GCN1: variants seen among roughly 807,000 people sequenced by gnomAD.
GCN1 encodes stalled ribosome sensor GCN1.
GCN1 carries 90 observed loss-of-function variants against 288.4 expected under a neutral mutation model. The ratio of observed to expected loss-of-function variants is 0.31; its 90% CI spans 0.26 to 0.37. GCN1 has a LOEUF of 0.37. Among genes scored for constraint, GCN1 ranks in the 10% least tolerant of loss-of-function variants. The pLI is 1.00. For synonymous variants in GCN1, 1,386 were observed against 1,420.2 expected (o/e 0.98, Z 0.54); for missense variants, 2,586 against 3,419.9 (o/e 0.76, Z 6.08).
intron 53 of GCN1, 133 bp from the exon 54 acceptor site, chr12:120,132,155 TC>T (rs1876848252): frequency 1.5e-6 from 1 of 648,972 alleles, no homozygotes; most frequent in Non-Finnish European, 2.9e-6. Context: ...AGACTCAAGA[TC>T]CAGTCCTTCC....
At chr12:120,152,639 A>G (rs867547012) in intron 33 of GCN1, among the ~76,000 whole-genome samples, 287 of 128,508 alleles carry the variant, frequency 2.2e-3, no homozygotes, top group African/African-American at 6.6e-3. Flanking sequence ...ACACACGCGC[A>G]CACACACACA....
rs995136902 is a variant in GCN1, at chr12:120,153,113, C to T, written c.4062+100G>A. The T allele has an allele frequency of 2.1e-6, 2 of 947,786 alleles. No homozygotes were observed. The highest frequency in any genetic ancestry group is 3.2e-6 in the Non-Finnish European group (2 of 624,138). The allele number at this position is 947,786 out of a possible 1,614,324, so 58.7% of individuals were successfully genotyped here. On this transcript the variant is annotated intron_variant, in intron 33 of 57. Transcript: ENST00000300648. The surrounding 1 kb of genome is among the most constrained non-coding windows in gnomAD (Gnocchi z 4.4). ...CTTAACAAGAACTGGGCTTTCAGGG[C>T]CCTGATTGTCCAACTCCACCCCTAG... is the stretch of plus-strand genomic sequence containing the variant.
chr12:120,155,186 A>G lies in GCN1; in HGVS notation c.3630+55T>C. The G allele has an allele frequency of 6.4e-7, 1 of 1,551,966 alleles. No homozygotes were observed. The highest frequency in any genetic ancestry group is 8.9e-7 in the Non-Finnish European group (1 of 1,123,668). On this transcript the variant is annotated intron_variant, in intron 30 of 57. Transcript: ENST00000300648. This position sits in a 1 kb window ranked among gnomAD's most constrained non-coding sequence, Gnocchi z 4.9. ...TCTGGAGCAGTAGCGGGGTGAGCAG[A>G]GACCCACCCAACCGCACACACCCAG... is the stretch of plus-strand genomic sequence containing the variant.
intron 15 of GCN1, 96 bp downstream of exon 15, chr12:120,170,073 C>G (rs1193622634): frequency 8.9e-7 from 1 of 1,125,522 alleles, no homozygotes; most frequent in African/African-American, 1.5e-5. Flanking sequence ...CCAGTGTGGT[C>G]AGGACCAAGC....
At chr12:120,138,251 G>A (rs1428389343) in intron 47 of GCN1, 72 bp downstream of exon 47, 1 of 1,035,748 alleles carries the variant, frequency 9.7e-7, no homozygotes, top group Non-Finnish European at 1.5e-6. Flanking sequence ...GTTCAGAACT[G>A]GTCTTCACTG....
intron 2 of GCN1, among the ~76,000 whole-genome samples, chr12:120,187,424 C>T (rs1566321545): frequency 6.6e-6 from 1 of 152,022 alleles, no homozygotes. Flanking sequence ...CCATGTTGGC[C>T]AGGCTGGTCT....
intron 2 of GCN1, among the ~76,000 whole-genome samples, chr12:120,186,756 T>C (rs1320982336): frequency 6.6e-6 from 1 of 152,194 alleles, no homozygotes; most frequent in African/African-American, 2.4e-5. Flanking sequence ...GAGCTTACCA[T>C]ACCCAGACAA....
chr12:120,127,645 C>G lies in GCN1; in HGVS notation c.*204G>C. 1.6e-6 allele frequency: 1 copy of G among 607,890 alleles called. No individual in the cohort carries two copies. The highest frequency in any genetic ancestry group is 2.9e-6 in the Non-Finnish European group (1 of 345,838). The allele number at this position is 607,890 out of a possible 1,614,324, so 37.7% of individuals were successfully genotyped here. ...GCATGCGTGTGCTTTTCCTTCTCTT[C>G]TCCACAGGAAAAGGTGAGAGATGGA... On this transcript the variant is annotated 3_prime_UTR_variant, in exon 58 of 58. Coordinates refer to ENST00000300648, the MANE Select transcript of GCN1 (RefSeq NM_006836.2).
At chr12:120,192,552 C>T (rs184739698) in intron 1 of GCN1, among the ~76,000 whole-genome samples, 95 of 150,462 alleles carry the variant, frequency 6.3e-4, no homozygotes, top group African/African-American at 2.0e-3. Flanking sequence ...ATGGTGAAAC[C>T]GCGTCTCTAC....
Position 120,159,893 on chromosome 12 carries a change from G to T in GCN1, c.2681C>A (p.Ala894Asp). ...CAAGAAGGGGTTCTTGATCCTGGGA[G>T]CAGCCAGGGGAGACTTCAGCAAGGG... ...FLPLLKSPLA[A>D]PRIKNPFLSL... The change falls in exon 24 of 58, where the codon GCT (alanine) becomes GAT (aspartate). Residue 894 changes from alanine to aspartate, a missense_variant. This residue lies in a region of GCN1 where 913 missense variants were observed against 1,107.0 expected (regional missense o/e 0.82). Transcript: ENST00000300648. The T allele has an allele frequency of 1.2e-6, 2 of 1,614,182 alleles. No homozygotes were observed. The highest frequency in any genetic ancestry group is 1.7e-6 in the Non-Finnish European group (2 of 1,180,002).
At chr12:120,143,507 G>C (rs941021182) in intron 42 of GCN1, among the ~76,000 whole-genome samples, 1 of 151,960 alleles carries the variant, frequency 6.6e-6, no homozygotes, top group African/African-American at 2.4e-5. Context: ...GCTTGAACCC[G>C]GGAGGCAGAG....
At position 120,144,807 on chromosome 12, in the gene GCN1, C is replaced by T; in HGVS notation, c.5184G>A (p.Gly1728=). 3 of 1,614,198 alleles carry T rather than the reference C, an allele frequency of 1.9e-6. No homozygotes were observed. Among genetic ancestry groups the T allele is most frequent in the Non-Finnish European group, 2.5e-6 (3 of 1,180,026 alleles). Residue 1728 remains glycine, a synonymous_variant, in exon 41 of 58, where the codon GGG becomes GGA. Transcript: ENST00000300648. This position sits in a 1 kb window ranked among gnomAD's most constrained non-coding sequence, Gnocchi z 4.7. ...GCATCAACTTCTCCAACTTCTCCACCCCCAAACCGGCCATGACCTCAGCCA... is the reference window on the plus strand; with the variant it reads ...GCATCAACTTCTCCAACTTCTCCACTCCCAAACCGGCCATGACCTCAGCCA... ...QGLAEVMAGL[G]VEKLEKLMPE...
In GCN1 at chr12:120,134,551, A is replaced by G. The variant is rs1166592108; in HGVS notation, c.7184T>C (p.Met2395Thr). ...FTELLNGIRA[M>T]EDPGVRDTML... ...GCCGTACCTGACACCTGGGTCCTCC[A>G]TGGCGCGGATGCCATTGAGCAGCTC... is the stretch of plus-strand genomic sequence containing the variant. The change falls in exon 52 of 58, where the codon ATG becomes ACG. Residue 2395 changes from methionine to threonine, a missense_variant. Around this residue, in one of 8 missense-constraint regions of GCN1, gnomAD observed 355 missense variants for 431.1 expected, o/e 0.82. Coordinates refer to ENST00000300648, the MANE Select transcript of GCN1 (RefSeq NM_006836.2). This position sits in a 1 kb window ranked among gnomAD's most constrained non-coding sequence, Gnocchi z 5.0. 4 of 1,613,850 alleles carry G rather than the reference A, an allele frequency of 2.5e-6. No homozygotes were observed. Among genetic ancestry groups the G allele is most frequent in the African/African-American group, 1.3e-5 (1 of 74,938 alleles).
In GCN1 at chr12:120,150,869, T is replaced by G. The variant is rs111907645; in HGVS notation, c.4309+276A>C. Among the ~76,000 whole-genome samples the G allele has an allele frequency of 8.4e-3, 1,269 of 151,252 alleles. 27 individuals carry two copies. The highest frequency in any genetic ancestry group is 0.029 in the African/African-American group (1,213 of 41,148). On this transcript the variant is annotated intron_variant, in intron 34 of 57. Coordinates refer to ENST00000300648, the MANE Select transcript of GCN1 (RefSeq NM_006836.2). ...GGAGAATGGCATGAACCCAGGAGGCTGAGCTTGCAGTGAGCCAAGATCACG... is the reference window on the plus strand; with the variant it reads ...GGAGAATGGCATGAACCCAGGAGGCGGAGCTTGCAGTGAGCCAAGATCACG...
At position 120,156,776 on chromosome 12, in the gene GCN1, G is replaced by C; in HGVS notation, c.3168+136C>G. 1 of 885,638 alleles carries C rather than the reference G, an allele frequency of 1.1e-6. No homozygotes were observed. Among genetic ancestry groups the C allele is most frequent in the Non-Finnish European group, 1.8e-6 (1 of 548,126 alleles). 54.9% of individuals were successfully genotyped at this position (885,638 alleles called of 1,614,324 possible). ...TCACTAGCTAACAACAGTCAGGCTG[G>C]CTCTCTAAAGCAGTCTTTCTACCAA... On this transcript the variant is annotated intron_variant, in intron 27 of 57. Transcript: ENST00000300648. The surrounding 1 kb of genome is among the most constrained non-coding windows in gnomAD (Gnocchi z 5.8).
chr12:120,156,839 A>C lies in GCN1; in HGVS notation c.3168+73T>G. On this transcript the variant is annotated intron_variant, in intron 27 of 57. Transcript: ENST00000300648. The surrounding 1 kb of genome is among the most constrained non-coding windows in gnomAD (Gnocchi z 5.8). Reference sequence around the variant, plus strand: ...AGGGCTGAAAGGAAACTAGGACTCCACCCTTTACACTGGGACTTGAGGTCT... The same window carrying C: ...AGGGCTGAAAGGAAACTAGGACTCCCCCCTTTACACTGGGACTTGAGGTCT... 3 of 1,104,400 alleles carry C rather than the reference A, an allele frequency of 2.7e-6. No homozygotes were observed. The highest frequency in any genetic ancestry group is 4.2e-6 in the Non-Finnish European group (3 of 715,026). The allele number at this position is 1,104,400 out of a possible 1,614,324, so 68.4% of individuals were successfully genotyped here. A position where few individuals can be genotyped will look rare whatever the true frequency, so the allele number is the denominator to read the frequency against.
In GCN1 at chr12:120,140,999, G is replaced by A; in HGVS notation, c.5854C>T (p.Leu1952Phe). The part of the protein sequence containing the change: ...RTIAARTLGD[L>F]VRKLGEKILP... ...ATTTTCTCCCCTAACTTCCGCACAA[G>A]ATCTCCCAATGTTCTCGCTGCAATC... Residue 1952 changes from leucine (L) to phenylalanine (F), a missense_variant, in exon 45 of 58, where the codon CTT becomes TTT. Leu to Phe is a conservative substitution (Grantham distance 22). This residue lies in a region of GCN1 where 437 missense variants were observed against 570.5 expected (regional missense o/e 0.77). Transcript: ENST00000300648. 1 of 1,613,776 alleles carries A rather than the reference G, an allele frequency of 6.2e-7. No individual in the cohort carries two copies. The highest frequency in any genetic ancestry group is 2.2e-5 in the East Asian group (1 of 44,864).
At position 120,131,896 on chromosome 12, in the gene GCN1, C is replaced by A. The variant is rs747740999; in HGVS notation, c.7414+30G>T. ...TTCGCTAGGGCTGAGAGGCCCAGGT[C>A]CCTGAAGGGGAACTCTCCAGTGTAC... On this transcript the variant is annotated intron_variant, in intron 54 of 57. Transcript: ENST00000300648. 5.0e-6 allele frequency: 7 copies of A among 1,413,030 alleles called. No individual in the cohort carries two copies. The East Asian group carries it at 9.4e-5, about 19-fold the overall frequency. 87.5% of individuals were successfully genotyped at this position (1,413,030 alleles called of 1,614,324 possible). A position where few individuals can be genotyped will look rare whatever the true frequency, so the allele number is the denominator to read the frequency against.
intron 53 of GCN1, among the ~76,000 whole-genome samples, chr12:120,132,727 C>T (rs746729076): frequency 6.6e-6 from 1 of 152,208 alleles, no homozygotes; most frequent in Non-Finnish European, 1.5e-5. Context: ...AGTTATGTTC[C>T]TTATTACAGG....
Sources: gnomAD v4.1 joint callset for allele counts (sites outside exome capture counted in the v4.1 genomes callset) on GRCh38, gnomAD v4.1.1 for gene constraint, gnomAD v4.1.1 regional missense constraint, Gnocchi (gnomAD v3.1) non-coding constraint, MANE v1.5 for transcripts, NCBI Gene and HGNC (gene_info 2026-07-23, HGNC 2026-07-21) for gene names.